Variants in NPAS3 observed in about 807,000 individuals in gnomAD.
NPAS3 encodes the protein neuronal PAS domain protein 3.
NPAS3 carries 14 observed loss-of-function variants against 73.1 expected under a neutral mutation model. The ratio of observed to expected loss-of-function variants is 0.19; its 90% confidence interval spans 0.13 to 0.30. NPAS3 has a LOEUF of 0.30. Ranked by LOEUF, NPAS3 falls within the 10% of genes least tolerant of loss-of-function variation. The pLI, the probability that NPAS3 is intolerant of heterozygous loss-of-function variation, is 1.00. For missense variants in NPAS3, 1,096 were observed against 1,250.0 expected, an observed-to-expected ratio of 0.88 and a Z score of 1.86; for synonymous variants, 620 against 541.5, an observed-to-expected ratio of 1.14 and a Z score of -2.01.
At chr14:33,177,786 C>G (rs1333246267) in intron 2 of NPAS3, among the ~76,000 whole-genome samples, 4 of 152,282 alleles carry the variant, frequency 2.6e-5, no homozygotes, top group Non-Finnish European at 2.9e-5. Context: ...TGGACTTGTA[C>G]CCTTGTTGAA....
chr14:33,054,976 T>C (rs934458128), intron 1 of NPAS3, among the ~76,000 whole-genome samples: 5 of 152,178 alleles, frequency 3.3e-5, no homozygotes, highest in Admixed American at 2.0e-4. Flanking sequence ...TAAGAAGATA[T>C]TAAGTATCTA....
chr14:33,768,579 C>A (rs1322599281), intron 7 of NPAS3, among the ~76,000 whole-genome samples: 1 of 152,156 alleles, frequency 6.6e-6, no homozygotes, highest in Non-Finnish European at 1.5e-5. Flanking sequence ...TGCTACAGCA[C>A]AGGAAGTGCC....
intron 3 of NPAS3, among the ~76,000 whole-genome samples, chr14:33,230,266 C>G (rs1566702935): frequency 6.6e-6 from 1 of 152,328 alleles, no homozygotes; most frequent in East Asian, 1.9e-4. Flanking sequence ...TGTTAATTCT[C>G]TGTAGTTTAA....
At chr14:33,165,752 A>G (rs2045113013) in intron 2 of NPAS3, among the ~76,000 whole-genome samples, 1 of 151,846 alleles carries the variant, frequency 6.6e-6, no homozygotes, top group Admixed American at 6.6e-5. Context: ...AAGAATGTGC[A>G]CCATTTACCC....
upstream of NPAS3, chr14:32,935,043 C>T (rs755167564): frequency 1.1e-5 from 13 of 1,217,586 alleles, no homozygotes; most frequent in Admixed American, 7.5e-5. Flanking sequence ...GCCCCCGCCC[C>T]GGGGTGCTGG....
At chr14:33,673,548 GCAACAA>G (rs1402055634) in intron 5 of NPAS3, among the ~76,000 whole-genome samples, 4 of 152,248 alleles carry the variant, frequency 2.6e-5, no homozygotes, top group East Asian at 3.9e-4. Context: ...CCACCAAACA[GCAACAA>G]CAACAAGACA....
At chr14:33,499,462 A>G (rs2052405461) in intron 4 of NPAS3, among the ~76,000 whole-genome samples, 1 of 151,926 alleles carries the variant, frequency 6.6e-6, no homozygotes, top group Non-Finnish European at 1.5e-5. Context: ...TAGAAATGAT[A>G]TCTTGGCAAA....
At chr14:33,213,803 G>A (rs1177390358) in intron 2 of NPAS3, 1 of 152,128 alleles carries the variant, frequency 6.6e-6, no homozygotes, top group Admixed American at 6.6e-5. Context: ...TTGGGTATTA[G>A]CCTAGCAAGT....
At chr14:33,683,959 T>G (rs1173539293) in intron 6 of NPAS3, among the ~76,000 whole-genome samples, 2 of 152,216 alleles carry the variant, frequency 1.3e-5, no homozygotes, top group Admixed American at 1.3e-4. Context: ...CAGGTCAGTG[T>G]GTTATCCTTG....
At chr14:33,222,853 T>C (rs948776325) in intron 3 of NPAS3, among the ~76,000 whole-genome samples, 1 of 151,054 alleles carries the variant, frequency 6.6e-6, no homozygotes, top group Non-Finnish European at 1.5e-5. Context: ...CAAGGAAGAG[T>C]AGAAGAAAAA....
chr14:32,959,612 CAG>C (rs1050098754), intron 1 of NPAS3, among the ~76,000 whole-genome samples: 2 of 152,190 alleles, frequency 1.3e-5, no homozygotes, highest in Non-Finnish European at 2.9e-5. Context: ...TTCTCATAGA[CAG>C]AGACTTAATT....
chr14:33,692,381 C>T (rs567289025), intron 6 of NPAS3, among the ~76,000 whole-genome samples: 15 of 152,184 alleles, frequency 9.9e-5, no homozygotes, highest in African/African-American at 2.4e-4. Context: ...CTGAGCTTGA[C>T]GTATATTAAT....
chr14:32,981,883 A>G (rs891736687), intron 1 of NPAS3, among the ~76,000 whole-genome samples: 1 of 152,106 alleles, frequency 6.6e-6, no homozygotes, highest in African/African-American at 2.4e-5. Context: ...TTGCTAGATG[A>G]TCTCATCCAC....
chr14:33,231,910 C>G (rs1348380614), intron 3 of NPAS3, among the ~76,000 whole-genome samples: 1 of 152,174 alleles, frequency 6.6e-6, no homozygotes, highest in Admixed American at 6.5e-5. Context: ...TCCATTCATA[C>G]TAGCCTCTGT....
intron 2 of NPAS3, among the ~76,000 whole-genome samples, chr14:33,070,967 G>A (rs1405207963): frequency 1.3e-5 from 2 of 152,184 alleles, no homozygotes; most frequent in African/African-American, 4.8e-5. Flanking sequence ...ACTTAGAGAT[G>A]TGTGGCAGGT....
At chr14:33,269,315 T>C (rs2040963731) in intron 3 of NPAS3, among the ~76,000 whole-genome samples, 1 of 152,186 alleles carries the variant, frequency 6.6e-6, no homozygotes, top group Non-Finnish European at 1.5e-5. Flanking sequence ...TTCCTCATTT[T>C]ATAGATGAGA....
intron 5 of NPAS3, among the ~76,000 whole-genome samples, chr14:33,649,969 T>C (rs1320868996): frequency 2.6e-5 from 4 of 152,184 alleles, no homozygotes; most frequent in East Asian, 3.9e-4. Context: ...ACCCAACCAA[T>C]AGCTTTCAGA....
chr14:33,507,098 G>C (rs890084723), intron 4 of NPAS3, among the ~76,000 whole-genome samples: 1 of 152,000 alleles, frequency 6.6e-6, no homozygotes, highest in African/African-American at 2.4e-5. Flanking sequence ...GTGGGTGATG[G>C]ACTATGATGT....
intron 5 of NPAS3, among the ~76,000 whole-genome samples, chr14:33,592,945 T>G (rs2057119909): frequency 6.6e-6 from 1 of 152,114 alleles, no homozygotes; most frequent in African/African-American, 2.4e-5. Context: ...TTTGCAAACT[T>G]ACCTAGGGAA....
Sources: allele counts gnomAD v4.1 joint callset (sites outside exome capture counted in the v4.1 genomes callset), GRCh38; gene constraint gnomAD v4.1.1; transcripts MANE v1.5; gene names NCBI Gene and HGNC (gene_info 2026-07-23, HGNC 2026-07-21).